HSPA9: variants seen among roughly 807,000 people sequenced by gnomAD.
HSPA9 encodes heat shock protein family A (Hsp70) member 9.
Under a neutral mutation model 81.5 loss-of-function variants are expected in HSPA9, and 28 were observed. The ratio of observed to expected loss-of-function variants is 0.34; its 90% CI spans 0.25 to 0.47. HSPA9 has a LOEUF of 0.47. HSPA9 is among the 20% of genes least tolerant of loss of function. HSPA9 has a pLI of 1.00. For synonymous variants in HSPA9, 293 were observed against 290.4 expected, an observed-to-expected ratio of 1.01 and a Z score of -0.09; for missense variants, 678 against 838.0, an observed-to-expected ratio of 0.81 and a Z score of 2.36.
intron 5 of HSPA9, 33 bp downstream of exon 5, chr5:138,568,892 G>C (rs1750822009): frequency 6.2e-7 from 1 of 1,610,198 alleles, no homozygotes; most frequent in African/African-American, 1.3e-5. Flanking sequence ...ATTGTTCTTA[G>C]AACTTTCCCA....
rs1427832169 is a variant in HSPA9 at position 138,566,716 on chromosome 5, T to A, written c.882A>T (p.Thr294=). Residue 294 remains threonine (T), a splice_region_variant and synonymous_variant, in exon 9 of 17, where the codon ACA becomes ACT. Coordinates refer to ENST00000297185, the MANE Select transcript of HSPA9 (RefSeq NM_004134.7). The stretch of plus-strand genomic sequence containing the variant: ...TGTTGTCTTTAGTCAAATCAACCCC[T>A]GTCTATAAAGTGAAGACATTGAACA... The part of the protein sequence containing the change: ...RHIVKEFKRE[T]GVDLTKDNMA... 1.9e-6 allele frequency: 3 copies of A among 1,611,798 alleles called. No homozygotes were observed. The highest frequency in any genetic ancestry group is 3.3e-5 in the Admixed American group (2 of 60,004).
Position 138,557,482 on chromosome 5 carries a change from A to G in HSPA9, c.1648T>C (p.Ser550Pro), listed in dbSNP as rs764312855. ...GREQQIVIQSSGGLSKDDIEN... is the reference protein window; with the variant it reads ...GREQQIVIQSPGGLSKDDIEN... ...ATATCATCTTTGCTTAATCCACCAG[A>G]AGACTGGATTACAACTGTAGTAAAC... Residue 550 changes from serine (S) to proline (P), a missense_variant, in exon 14 of 17, where the codon TCT becomes CCT. By Grantham distance (74) the Ser-to-Pro change is moderately conservative (BLOSUM62 -1). Transcript: ENST00000297185. 5 of 1,597,202 alleles carry G rather than the reference A, an allele frequency of 3.1e-6. No homozygotes were observed. In the South Asian group the frequency reaches 4.4e-5, roughly 14 times the overall value.
chr5:138,557,617 AG>A (rs1750556277), intron 13 of HSPA9, 121 bp from the exon 14 acceptor site: 1 of 767,874 alleles, frequency 1.3e-6, no homozygotes, highest in African/African-American at 1.7e-5. Flanking sequence ...TATGAAGAGG[AG>A]AAATACCCTA....
At chr5:138,561,843 A>T in intron 9 of HSPA9, 54 bp from the exon 10 acceptor site, 1 of 1,363,302 alleles carries the variant, frequency 7.3e-7, no homozygotes, top group Non-Finnish European at 1.1e-6. Context: ...TGACGGTTAC[A>T]TTTATTATTT....
intron 14 of HSPA9, 174 bp from the exon 15 acceptor site, chr5:138,557,040 T>C (rs1750542627): frequency 3.0e-6 from 2 of 656,066 alleles, no homozygotes; most frequent in Non-Finnish European, 5.5e-6. Flanking sequence ...AGATTTGGGC[T>C]AGATTTTGTA....
chr5:138,560,812 T>G (rs1232398774), intron 10 of HSPA9: 1 of 402,920 alleles, frequency 2.5e-6, no homozygotes, highest in African/African-American at 2.1e-5. Context: ...CCTCCCAAAG[T>G]GCTGGGATTA....
At chr5:138,569,551 G>A (rs1345762546) in intron 4 of HSPA9, among the ~76,000 whole-genome samples, 1 of 152,074 alleles carries the variant, frequency 6.6e-6, no homozygotes, top group Admixed American at 6.6e-5. Context: ...AGTATTATTT[G>A]GCCATAAAAA....
At chr5:138,566,012 C>G (rs1264388185) in intron 9 of HSPA9, among the ~76,000 whole-genome samples, 1 of 152,004 alleles carries the variant, frequency 6.6e-6, no homozygotes, top group East Asian at 1.9e-4. Context: ...CATGGCAGAA[C>G]CCTGTCTGTA....
intron 12 of HSPA9, among the ~76,000 whole-genome samples, 191 bp from the exon 13 acceptor site, chr5:138,558,177 G>A (rs1750573221): frequency 6.6e-6 from 1 of 152,200 alleles, no homozygotes; most frequent in African/African-American, 2.4e-5. Context: ...TTTTATACCA[G>A]TGAAGTTTAG....
chr5:138,556,553 G>C lies in HSPA9; in HGVS notation c.1861C>G (p.Leu621Val). Reference protein sequence around the residue: ...LKEEISKMRELLARKDSETGE... With the variant: ...LKEEISKMREVLARKDSETGE... ...GTTTCGCTGTCTTTTCTAGCCAGGA[G>C]CTCCCTCATTTTGGAAATCTCTTCT... The change falls in exon 16 of 17, where the codon CTC (leucine) becomes GTC (valine). Residue 621 changes from leucine to valine, a missense_variant. This residue lies in a region of HSPA9 where 100 missense variants were observed against 99.5 expected (regional missense o/e 1.00). Coordinates refer to ENST00000297185, the MANE Select transcript of HSPA9 (RefSeq NM_004134.7). The C allele has an allele frequency of 6.2e-7, 1 of 1,613,960 alleles. No homozygotes were observed. Among genetic ancestry groups the C allele is most frequent in the Non-Finnish European group, 8.5e-7 (1 of 1,179,966 alleles).
chr5:138,567,789 C>T, intron 5 of HSPA9, 67 bp from the exon 6 acceptor site: 1 of 1,146,192 alleles, frequency 8.7e-7, no homozygotes, highest in Non-Finnish European at 1.3e-6. Context: ...GCCCAACAAC[C>T]TGTGTCATCC....
intron 10 of HSPA9, chr5:138,560,879 C>G (rs78227236): frequency 3.1e-4 from 132 of 428,820 alleles, no homozygotes; most frequent in African/African-American, 2.6e-3. Flanking sequence ...AGGCATCCAC[C>G]TGGTCCAGGA....
rs1473697346 is a variant in HSPA9, at chr5:138,575,366, C to G, written c.-48G>C. The G allele has an allele frequency of 1.4e-6, 2 of 1,479,758 alleles. No individual in the cohort carries two copies. The highest frequency in any genetic ancestry group is 1.4e-5 in the African/African-American group (1 of 72,428). 91.7% of individuals were successfully genotyped at this position (1,479,758 alleles called of 1,614,324 possible). ...AGGCAGCAAACAAGCGCTCCGACGG[C>G]AAAGAGCTGCGCGATGCGGTGGCGG... On this transcript the variant is annotated 5_prime_UTR_variant, in exon 1 of 17. Transcript: ENST00000297185.
intron 3 of HSPA9, 122 bp downstream of exon 3, chr5:138,573,641 C>CCA: frequency 3.3e-6 from 1 of 302,710 alleles, no homozygotes; most frequent in Admixed American, 5.4e-5. Context: ...AGACTGTCTC[C>CCA]AAAAAAAAAA....
chr5:138,561,535 T>C (rs1750661325), intron 10 of HSPA9, 45 bp downstream of exon 10: 2 of 1,514,766 alleles, frequency 1.3e-6, no homozygotes, highest in Admixed American at 1.7e-5. Context: ...GAATACACTA[T>C]GCGCCAGCCC....
rs561556724 is a variant in HSPA9, at chr5:138,568,194, C to T, written c.536-472G>A. The stretch of plus-strand genomic sequence containing the variant: ...AGCGAGACTCTTGTCTCAAAACAAA[C>T]AAACAAACCCAAGATCGGCCGGCCA... On this transcript the variant is annotated intron_variant, in intron 5 of 16. Coordinates refer to ENST00000297185, the MANE Select transcript of HSPA9 (RefSeq NM_004134.7). Among the ~76,000 whole-genome samples, 13 of 150,138 alleles carry T rather than the reference C, an allele frequency of 8.7e-5. No individual in the cohort carries two copies. In the South Asian group the frequency reaches 2.7e-3, roughly 32 times the overall value.
chr5:138,571,487 T>C (rs1171097529), intron 3 of HSPA9, among the ~76,000 whole-genome samples: 1 of 152,006 alleles, frequency 6.6e-6, no homozygotes, highest in Non-Finnish European at 1.5e-5. Context: ...CCCAGCCTAT[T>C]ACTGGTATGT....
chr5:138,567,192 AAAG>A (rs1750786392), intron 7 of HSPA9, 29 bp from the exon 8 acceptor site: 1 of 1,571,400 alleles, frequency 6.4e-7, no homozygotes, highest in African/African-American at 1.4e-5. Flanking sequence ...AAAAAAAAGA[AAAG>A]AAATCCTTAA....
chr5:138,566,871 T>A (rs1393997012), intron 8 of HSPA9, 130 bp downstream of exon 8: 3 of 1,182,198 alleles, frequency 2.5e-6, no homozygotes, highest in Admixed American at 1.7e-5. Context: ...GGAAAAAAAA[T>A]ATTCTGAAAA....
Sources: allele counts gnomAD v4.1 joint callset (sites outside exome capture counted in the v4.1 genomes callset), GRCh38; gene constraint gnomAD v4.1.1; regional missense constraint gnomAD v4.1.1; transcripts MANE v1.5; gene names NCBI Gene and HGNC (gene_info 2026-07-23, HGNC 2026-07-21).